The following KRT23 variants were observed in gnomAD, a reference collection of about 807,000 sequenced individuals.
KRT23 encodes keratin, type I cytoskeletal 23.
A neutral mutation model predicts 47.6 loss-of-function variants in KRT23; 38 were observed. The observed-to-expected ratio is 0.80, with a 90% CI of 0.62 to 1.05. The LOEUF is 1.05. Ranked by LOEUF, KRT23 falls within the 50% of genes least tolerant of loss-of-function variation. The probability of loss-of-function intolerance (pLI) is 0.00; values close to 1 mark genes in which losing one functional copy is unlikely to be tolerated. For missense variants in KRT23, 503 were observed against 529.5 expected, an observed-to-expected ratio of 0.95 and a Z score of 0.49; for synonymous variants, 191 against 199.0, an observed-to-expected ratio of 0.96 and a Z score of 0.34.
intron 8 of KRT23, 56 bp downstream of exon 8, chr17:40,924,416 A>G (rs2143429090): frequency 7.0e-7 from 1 of 1,419,710 alleles, no homozygotes; most frequent in Non-Finnish European, 1.0e-6. Context: ...TACAAAATGG[A>G]TAACCATGCT....
intron 3 of KRT23, among the ~76,000 whole-genome samples, chr17:40,930,413 G>A (rs1387184351): frequency 6.6e-6 from 1 of 152,132 alleles, no homozygotes; most frequent in Non-Finnish European, 1.5e-5. Flanking sequence ...GCAGATTATA[G>A]ATGTGATGAC....
chr17:40,922,965 A>G lies in KRT23; in HGVS notation c.*24T>C, dbSNP rs1909014943. On this transcript the variant is annotated 3_prime_UTR_variant, in exon 9 of 9. Coordinates refer to ENST00000209718, the MANE Select transcript of KRT23 (RefSeq NM_015515.5). ...TTCCTTGGGGGAAAATAGATTTTAC[A>G]ACAGGCGGAAACTTTCATTGGTCTC... is the stretch of plus-strand genomic sequence containing the variant. The G allele has an allele frequency of 2.6e-6, 4 of 1,563,688 alleles. No individual in the cohort carries two copies. In the African/African-American group the frequency reaches 5.4e-5, roughly 21 times the overall value.
At chr17:40,924,593 G>T in intron 7 of KRT23, 90 bp from the exon 8 acceptor site, 1 of 1,009,722 alleles carries the variant, frequency 9.9e-7, no homozygotes. Flanking sequence ...TCGCTTGCTT[G>T]TAAATCCTCT....
intron 4 of KRT23, 79 bp from the exon 5 acceptor site, chr17:40,928,686 A>G (rs1411054062): frequency 7.5e-7 from 1 of 1,327,844 alleles, no homozygotes; most frequent in Non-Finnish European, 1.0e-6. Context: ...GGCAGTGGTA[A>G]ATAGATCTTT....
At position 40,922,763 on chromosome 17, in the gene KRT23, T is replaced by C. The variant is rs1480592805; in HGVS notation, c.*226A>G. 7.3e-6 allele frequency: 3 copies of C among 412,636 alleles called. No individual in the cohort carries two copies. Among genetic ancestry groups the C allele is most frequent in the African/African-American group, 6.2e-5 (3 of 48,324 alleles). 25.6% of individuals were successfully genotyped at this position (412,636 alleles called of 1,614,324 possible). A position where few individuals can be genotyped will look rare whatever the true frequency, so the allele number is the denominator to read the frequency against. On this transcript the variant is annotated 3_prime_UTR_variant, in exon 9 of 9. Coordinates refer to ENST00000209718, the MANE Select transcript of KRT23 (RefSeq NM_015515.5). ...AATGATGAGAATCTGAAGGCTGCAG[T>C]AGGAAAGTAGAGCTTTACCCTCATA...
chr17:40,931,012 C>CTTTTT (rs1165590099), intron 3 of KRT23, among the ~76,000 whole-genome samples: 1,527 of 120,784 alleles, frequency 0.013, 96 homozygotes, highest in African/African-American at 0.048. Flanking sequence ...ATGAGTTTTC[C>CTTTTT]TTTTTTTTTT....
At chr17:40,928,709 T>G in intron 4 of KRT23, 102 bp from the exon 5 acceptor site, 1 of 1,091,044 alleles carries the variant, frequency 9.2e-7, no homozygotes. Flanking sequence ...AACATTCCGA[T>G]TATGTGGTTG....
chr17:40,923,522 G>A (rs973305246), intron 8 of KRT23, among the ~76,000 whole-genome samples: 2 of 152,240 alleles, frequency 1.3e-5, no homozygotes, highest in Non-Finnish European at 2.9e-5. Context: ...TACCATGGCT[G>A]TTTTCAAATA....
intron 6 of KRT23, among the ~76,000 whole-genome samples, chr17:40,925,985 C>T (rs990212377): frequency 3.9e-5 from 6 of 151,990 alleles, no homozygotes; most frequent in South Asian, 2.1e-4. Context: ...TAACTATGTC[C>T]AAAATATTGC....
chr17:40,925,574 T>G lies in KRT23; in HGVS notation c.922A>C (p.Lys308Gln), dbSNP rs1909180013. The stretch of plus-strand genomic sequence containing the variant: ...GATAACATGTTTTCCAAAGCAGATT[T>G]CTGAAAGAGGAAATGATCTTCTGTT... ...EIDLQTQYST[K>Q]SALENMLSET... Residue 308 changes from lysine to glutamine, a missense_variant and splice_region_variant, in exon 7 of 9, where the codon AAA (lysine) becomes CAA (glutamine). Transcript: ENST00000209718. The G allele has an allele frequency of 6.2e-7, 1 of 1,606,808 alleles. No homozygotes were observed. Among genetic ancestry groups the G allele is most frequent in the Non-Finnish European group, 8.5e-7 (1 of 1,174,556 alleles).
At chr17:40,928,173 G>C (rs1909349259) in intron 6 of KRT23, 65 bp downstream of exon 6, 1 of 1,603,796 alleles carries the variant, frequency 6.2e-7, no homozygotes, top group Non-Finnish European at 8.5e-7. Flanking sequence ...GCCTGGGAGA[G>C]AGGTCTCAGA....
chr17:40,925,521 C>T lies in KRT23; in HGVS notation c.975G>A (p.Lys325=). ...LSETQSRYSC[K]LQDMQEIISH... is the part of the protein sequence containing the mutation. ...AGATGATCTCTTGCATGTCCTGGAGCTTGCAGGAGTACCGAGACTGGGTCT... is the reference window on the plus strand; with the variant it reads ...AGATGATCTCTTGCATGTCCTGGAGTTTGCAGGAGTACCGAGACTGGGTCT... Residue 325 remains lysine, a synonymous_variant, in exon 7 of 9, where the codon AAG becomes AAA. Transcript: ENST00000209718. The T allele has an allele frequency of 6.2e-7, 1 of 1,614,174 alleles. No individual in the cohort carries two copies. The highest frequency in any genetic ancestry group is 1.7e-5 in the Admixed American group (1 of 60,010).
intron 2 of KRT23, among the ~76,000 whole-genome samples, chr17:40,931,929 T>C (rs1053165262): frequency 2.0e-5 from 3 of 152,246 alleles, no homozygotes; most frequent in African/African-American, 7.2e-5. Flanking sequence ...GCCATTACTT[T>C]TAATTAGTTC....
chr17:40,930,406 G>T (rs1043808651), intron 3 of KRT23, among the ~76,000 whole-genome samples: 1 of 152,180 alleles, frequency 6.6e-6, no homozygotes, highest in African/African-American at 2.4e-5. Flanking sequence ...TTTTAAAGCA[G>T]ATTATAGATG....
intron 8 of KRT23, 23 bp downstream of exon 8, chr17:40,924,449 A>G (rs1368562214): frequency 1.2e-6 from 2 of 1,600,330 alleles, no homozygotes; most frequent in South Asian, 2.2e-5. Flanking sequence ...ACAGAGATTC[A>G]AACAATGAAG....
At chr17:40,930,410 A>G (rs571897321) in intron 3 of KRT23, among the ~76,000 whole-genome samples, 6 of 152,218 alleles carry the variant, frequency 3.9e-5, no homozygotes, top group Non-Finnish European at 8.8e-5. Context: ...AAAGCAGATT[A>G]TAGATGTGAT....
intron 2 of KRT23, among the ~76,000 whole-genome samples, chr17:40,933,513 G>A (rs1288822411): frequency 6.6e-6 from 1 of 152,174 alleles, no homozygotes; most frequent in Non-Finnish European, 1.5e-5. Context: ...CACACTATGA[G>A]GTGTTAATCT....
At position 40,922,817 on chromosome 17, in the gene KRT23, T is replaced by G; in HGVS notation, c.*172A>C. On this transcript the variant is annotated 3_prime_UTR_variant, in exon 9 of 9. Coordinates refer to ENST00000209718, the MANE Select transcript of KRT23 (RefSeq NM_015515.5). ...TCGCACTTTGATTAGAAAAGTGCAA[T>G]ATATTAAGAGCATTATGAGAAGTCT... 1 of 538,342 alleles carries G rather than the reference T, an allele frequency of 1.9e-6. No individual in the cohort carries two copies. Among genetic ancestry groups the G allele is most frequent in the Non-Finnish European group, 3.3e-6 (1 of 303,878 alleles). 33.3% of individuals were successfully genotyped at this position (538,342 alleles called of 1,614,324 possible). A position where few individuals can be genotyped will look rare whatever the true frequency, so the allele number is the denominator to read the frequency against.
Position 40,925,591 on chromosome 17 carries a change from T to A in KRT23, c.922-17A>T, listed in dbSNP as rs1420006210. On this transcript the variant is annotated splice_polypyrimidine_tract_variant and intron_variant, in intron 6 of 8. Coordinates refer to ENST00000209718, the MANE Select transcript of KRT23 (RefSeq NM_015515.5). The stretch of plus-strand genomic sequence containing the variant: ...AGCAGATTTCTGAAAGAGGAAATGA[T>A]CTTCTGTTAATTAACTGATGGCTTG... 3 of 1,572,446 alleles carry A rather than the reference T, an allele frequency of 1.9e-6. 1 individual carries two copies. Among genetic ancestry groups the A allele is most frequent in the South Asian group, 2.2e-5 (2 of 88,982 alleles).
Sources: allele counts gnomAD v4.1 joint callset (sites outside exome capture counted in the v4.1 genomes callset), GRCh38; gene constraint gnomAD v4.1.1; transcripts MANE v1.5; gene names NCBI Gene and HGNC (gene_info 2026-07-23, HGNC 2026-07-21).